Variants in LDLRAD1 observed in about 807,000 individuals in gnomAD.
The protein encoded by LDLRAD1 is low-density lipoprotein receptor class A domain-containing protein 1.
In LDLRAD1, 17 loss-of-function variants were observed where a neutral mutation model predicts 24.8. The observed-to-expected ratio is 0.69, with a 90% CI of 0.47 to 1.03. The LOEUF (loss-of-function observed/expected upper bound fraction) is 1.03. Among genes scored for constraint, LDLRAD1 ranks in the 50% least tolerant of loss-of-function variants. LDLRAD1 has a pLI of 0.00. For synonymous variants in LDLRAD1, 103 were observed against 108.2 expected, an observed-to-expected ratio of 0.95 and a Z score of 0.30; for missense variants, 277 against 271.0, an observed-to-expected ratio of 1.02 and a Z score of -0.16.
chr1:54,010,767 G>A (rs1387644483), intron 4 of LDLRAD1, among the ~76,000 whole-genome samples: 2 of 152,160 alleles, frequency 1.3e-5, no homozygotes, highest in African/African-American at 4.8e-5. Context: ...ATCACCTCCA[G>A]GAAGCCTCTT....
chr1:54,010,996 T>C (rs1424984433), intron 4 of LDLRAD1, among the ~76,000 whole-genome samples: 1 of 152,168 alleles, frequency 6.6e-6, no homozygotes, highest in Non-Finnish European at 1.5e-5. Flanking sequence ...GGAGCAAGAT[T>C]CTGTTCGTTA....
At chr1:54,012,529 C>T (rs910378542) in intron 3 of LDLRAD1, among the ~76,000 whole-genome samples, 1 of 152,188 alleles carries the variant, frequency 6.6e-6, no homozygotes, top group African/African-American at 2.4e-5. Flanking sequence ...CCCCGTGGGA[C>T]TGTTGTGGGG....
At chr1:54,014,414 G>A (rs773651225) in intron 2 of LDLRAD1, 50 bp from the exon 3 acceptor site, 43 of 1,510,344 alleles carry the variant, frequency 2.8e-5, no homozygotes, top group Admixed American at 9.8e-5. Context: ...GGGGGCCAGC[G>A]CTAGGAACAG....
In LDLRAD1 at chr1:54,018,138, G is replaced by C. The variant is rs1223811968; in HGVS notation, c.-26C>G. ...GTCTTCGGTTTCCTGCTGCCCGACT[G>C]GGGCTGTGTGCAGAGAGCTCAGCAC... is the stretch of plus-strand genomic sequence containing the variant. On this transcript the variant is annotated 5_prime_UTR_variant, in exon 1 of 6. Coordinates refer to ENST00000371360, the MANE Select transcript of LDLRAD1 (RefSeq NM_001010978.4). The C allele has an allele frequency of 6.2e-7, 1 of 1,613,290 alleles. No individual in the cohort carries two copies. Among genetic ancestry groups the C allele is most frequent in the Admixed American group, 1.7e-5 (1 of 59,898 alleles).
chr1:54,010,282 C>A lies in LDLRAD1; in HGVS notation c.469G>T (p.Val157Leu). The A allele has an allele frequency of 6.2e-7, 1 of 1,614,008 alleles. No homozygotes were observed. The highest frequency in any genetic ancestry group is 1.7e-5 in the Admixed American group (1 of 60,012). Residue 157 changes from valine (V) to leucine (L), a missense_variant and splice_region_variant, in exon 5 of 6, where the codon GTA becomes TTA. Transcript: ENST00000371360. Reference protein sequence around the residue: ...CGDCSDELSPVTVCPPCGPGW... With the variant: ...CGDCSDELSPLTVCPPCGPGW... ...GCCCAGCCTGTGCCCAGACCCCTAC[C>A]TGGGCTCAGTTCATCTGAACAGTCC... is the stretch of plus-strand genomic sequence containing the variant.
intron 3 of LDLRAD1, among the ~76,000 whole-genome samples, chr1:54,013,855 C>T (rs983905251): frequency 6.6e-6 from 1 of 152,080 alleles, no homozygotes; most frequent in African/African-American, 2.4e-5. Context: ...GGATGTCACC[C>T]GGTCCCCTGT....
At chr1:54,014,439 G>T in intron 2 of LDLRAD1, 75 bp from the exon 3 acceptor site, 2 of 1,373,116 alleles carry the variant, frequency 1.5e-6, no homozygotes, top group Non-Finnish European at 1.0e-6. Flanking sequence ...CTCCCTCTCC[G>T]CCCTGCCCGC....
At chr1:54,012,416 G>A (rs2100252269) in intron 3 of LDLRAD1, 136 bp from the exon 4 acceptor site, 1 of 915,542 alleles carries the variant, frequency 1.1e-6, no homozygotes, top group Non-Finnish European at 1.7e-6. Context: ...CATCAATGGG[G>A]TTCAAGCCCC....
rs1281717400 is a variant in LDLRAD1 at position 54,012,062 on chromosome 1, C to G, written c.340+81G>C. 5 of 1,537,820 alleles carry G rather than the reference C, an allele frequency of 3.3e-6. No homozygotes were observed. In the African/African-American group the frequency reaches 6.8e-5, roughly 21 times the overall value. The stretch of plus-strand genomic sequence containing the variant: ...TCAAAGCCATGGGGACTTGAAGGTG[C>G]CTGATGTGTTCAGTATGGATGCCAA... On this transcript the variant is annotated intron_variant, in intron 4 of 5. Transcript: ENST00000371360.
At chr1:54,009,975 A>G (rs1181894085) in intron 5 of LDLRAD1, among the ~76,000 whole-genome samples, 1 of 151,944 alleles carries the variant, frequency 6.6e-6, no homozygotes, top group African/African-American at 2.4e-5. Flanking sequence ...AGATAAGGGA[A>G]CCCCAGGTTC....
chr1:54,013,957 C>T (rs1656177130), intron 3 of LDLRAD1, among the ~76,000 whole-genome samples: 1 of 151,764 alleles, frequency 6.6e-6, no homozygotes, highest in Non-Finnish European at 1.5e-5. Context: ...TGAGAAGAGG[C>T]TCGTAACCCA....
At chr1:54,014,152 GGCAGGTCGGGGCTCCCTC>G (rs1289854160) in intron 3 of LDLRAD1, 66 bp downstream of exon 3, 2 of 1,490,072 alleles carry the variant, frequency 1.3e-6, no homozygotes, top group East Asian at 4.9e-5. Flanking sequence ...GGAGAAGCCA[GGCAGGTCGGGGCTCCCTC>G]ATCTCTCTGT....
chr1:54,010,047 C>T (rs1271942410), intron 5 of LDLRAD1, among the ~76,000 whole-genome samples: 1 of 152,218 alleles, frequency 6.6e-6, no homozygotes, highest in Non-Finnish European at 1.5e-5. Context: ...CCAGTTTTCT[C>T]ATCTGTGCCT....
rs1258257339 is a variant in LDLRAD1 at position 54,008,979 on chromosome 1, C to A, written c.*3G>T. 2 of 1,610,218 alleles carry A rather than the reference C, an allele frequency of 1.2e-6. No individual in the cohort carries two copies. The highest frequency in any genetic ancestry group is 1.7e-6 in the Non-Finnish European group (2 of 1,177,534). On this transcript the variant is annotated 3_prime_UTR_variant, in exon 6 of 6. Transcript: ENST00000371360. ...GCCTTCCATGCTGGCCTGAGTGGCC[C>A]ACTCAGGGTCCGGGACAGGCATACT...
chr1:54,015,263 T>C (rs1262131695), intron 2 of LDLRAD1, among the ~76,000 whole-genome samples: 1 of 152,038 alleles, frequency 6.6e-6, no homozygotes, highest in African/African-American at 2.4e-5. Flanking sequence ...CACCACTGTG[T>C]CTGGCCTGTT....
Position 54,012,179 on chromosome 1 carries a change from A to G in LDLRAD1, c.304T>C (p.Cys102Arg). The change falls in exon 4 of 6, where the codon TGT (cysteine) becomes CGT (arginine). Residue 102 changes from cysteine (C) to arginine (R), a missense_variant. By Grantham distance (180) the Cys-to-Arg change is radical. Coordinates refer to ENST00000371360, the MANE Select transcript of LDLRAD1 (RefSeq NM_001010978.4). ...ASGVCDGVRTCTHGEDEDESL... is the reference protein window; with the variant it reads ...ASGVCDGVRTRTHGEDEDESL... ...TCATCCTCGTCCTCGCCGTGGGTACAGGTGCGAACGCCATCACAGACCCCA... is the reference window on the plus strand; with the variant it reads ...TCATCCTCGTCCTCGCCGTGGGTACGGGTGCGAACGCCATCACAGACCCCA... 6.2e-7 allele frequency: 1 copy of G among 1,614,140 alleles called. No homozygotes were observed. Among genetic ancestry groups the G allele is most frequent in the East Asian group, 2.2e-5 (1 of 44,888 alleles).
At chr1:54,017,566 C>A in intron 1 of LDLRAD1, 139 bp from the exon 2 acceptor site, 3 of 704,122 alleles carry the variant, frequency 4.3e-6, no homozygotes, top group Admixed American at 2.1e-5. Context: ...CAGCATCTCA[C>A]GCCCCAGATG....
At chr1:54,009,855 T>A (rs1203914572) in intron 5 of LDLRAD1, among the ~76,000 whole-genome samples, 1 of 152,230 alleles carries the variant, frequency 6.6e-6, no homozygotes, top group Admixed American at 6.5e-5. Flanking sequence ...GCTCCCTTCC[T>A]GTCACACATT....
In LDLRAD1 at chr1:54,008,910, G is replaced by C; in HGVS notation, c.*72C>G. 1 of 1,434,740 alleles carries C rather than the reference G, an allele frequency of 7.0e-7. No homozygotes were observed. The highest frequency in any genetic ancestry group is 9.5e-7 in the Non-Finnish European group (1 of 1,047,418). The allele number at this position is 1,434,740 out of a possible 1,614,324, so 88.9% of individuals were successfully genotyped here. On this transcript the variant is annotated 3_prime_UTR_variant, in exon 6 of 6. Coordinates refer to ENST00000371360, the MANE Select transcript of LDLRAD1 (RefSeq NM_001010978.4). The stretch of plus-strand genomic sequence containing the variant: ...GGCTGCTTCCTGCCCTTGTGCGCTA[G>C]GATTTGATTTTCATGTGAAGGGTTA...
Sources: gnomAD v4.1 joint callset for allele counts (sites outside exome capture counted in the v4.1 genomes callset) on GRCh38, gnomAD v4.1.1 for gene constraint, MANE v1.5 for transcripts, NCBI Gene and HGNC (gene_info 2026-07-23, HGNC 2026-07-21) for gene names.